Variants in ULK4 observed in about 807,000 individuals in gnomAD.
ULK4 encodes unc-51 like kinase 4.
In ULK4, 133 loss-of-function variants were observed where a neutral mutation model predicts 160.6. That is an observed-to-expected ratio of 0.83 (90% CI 0.72 to 0.96). ULK4 has a LOEUF of 0.96. Ranked by LOEUF, ULK4 falls within the 40% of genes least tolerant of loss-of-function variation. The pLI is 0.00. For synonymous variants in ULK4, 534 were observed against 539.8 expected (o/e 0.99, Z 0.15); for missense variants, 1,580 against 1,499.5 (o/e 1.05, Z -0.89).
chr3:41,583,369 T>C (rs982393060), intron 31 of ULK4, among the ~76,000 whole-genome samples: 2 of 152,240 alleles, frequency 1.3e-5, no homozygotes, highest in African/African-American at 2.4e-5. Context: ...ATAAGTCTCA[T>C]TTATTTTCCA....
At chr3:41,848,488 T>A (rs2042125221) in intron 17 of ULK4, among the ~76,000 whole-genome samples, 1 of 152,164 alleles carries the variant, frequency 6.6e-6, no homozygotes, top group African/African-American at 2.4e-5. Context: ...GAATGGCAAA[T>A]CAGACATTCT....
intron 17 of ULK4, among the ~76,000 whole-genome samples, chr3:41,856,593 A>G (rs1335281225): frequency 1.1e-4 from 8 of 75,270 alleles, no homozygotes; most frequent in African/African-American, 1.8e-4. Context: ...ATATACACAT[A>G]TATATATATG....
chr3:41,768,964 A>G (rs567138567), intron 21 of ULK4, among the ~76,000 whole-genome samples: 133 of 152,324 alleles, frequency 8.7e-4, no homozygotes, highest in Admixed American at 5.4e-3. Flanking sequence ...GTAAATCAAA[A>G]AAATCCTAAG....
At chr3:41,916,134 T>A in intron 7 of ULK4, 82 bp from the exon 8 acceptor site, 1 of 854,596 alleles carries the variant, frequency 1.2e-6, no homozygotes, top group Non-Finnish European at 1.8e-6. Context: ...CATCAACATT[T>A]AAAGCAATAG....
chr3:41,504,721 TCCACATCAATA>T (rs1316999956), intron 32 of ULK4, among the ~76,000 whole-genome samples: 1 of 152,184 alleles, frequency 6.6e-6, no homozygotes, highest in Admixed American at 6.5e-5. Context: ...TCTGAACATA[TCCACATCAATA>T]TATAGTTACA....
intron 29 of ULK4, among the ~76,000 whole-genome samples, chr3:41,680,730 A>G (rs1397478191): frequency 2.6e-5 from 4 of 152,198 alleles, no homozygotes; most frequent in Non-Finnish European, 4.4e-5. Context: ...TCATTCTTAT[A>G]AACCTGCCAA....
At chr3:41,946,722 G>T (rs1700123152) in intron 2 of ULK4, among the ~76,000 whole-genome samples, 1 of 152,160 alleles carries the variant, frequency 6.6e-6, no homozygotes, top group African/African-American at 2.4e-5. Context: ...TTCTCATGGT[G>T]AGATAGTTTC....
chr3:41,291,975 C>T (rs1272336164), intron 35 of ULK4, among the ~76,000 whole-genome samples: 3 of 151,928 alleles, frequency 2.0e-5, no homozygotes, highest in African/African-American at 7.3e-5. Flanking sequence ...GGACTACAGG[C>T]CCCCACCACC....
intron 31 of ULK4, among the ~76,000 whole-genome samples, chr3:41,594,124 T>C (rs749912545): frequency 3.3e-5 from 5 of 152,134 alleles, no homozygotes; most frequent in Non-Finnish European, 5.9e-5. Context: ...AGGCAGTAAA[T>C]TTTATAAGTT....
At chr3:41,588,018 C>T (rs1050820080) in intron 31 of ULK4, among the ~76,000 whole-genome samples, 2 of 152,116 alleles carry the variant, frequency 1.3e-5, no homozygotes, top group African/African-American at 4.8e-5. Flanking sequence ...TATACAAAGA[C>T]ACTAGAAGTT....
At chr3:41,498,698 C>T (rs2085082004) in intron 32 of ULK4, among the ~76,000 whole-genome samples, 1 of 151,916 alleles carries the variant, frequency 6.6e-6, no homozygotes, top group African/African-American at 2.4e-5. Context: ...TGGGTTCACG[C>T]CATTCTCCTG....
intron 32 of ULK4, among the ~76,000 whole-genome samples, chr3:41,498,686 C>T (rs1391542675): frequency 2.0e-5 from 3 of 151,808 alleles, no homozygotes; most frequent in Non-Finnish European, 2.9e-5. Flanking sequence ...AGCTCTGCCT[C>T]CTGGGTTCAC....
chr3:41,358,706 G>A (rs923361563), intron 35 of ULK4, among the ~76,000 whole-genome samples: 8 of 152,102 alleles, frequency 5.3e-5, no homozygotes, highest in South Asian at 2.1e-4. Context: ...GAGGTGAGAC[G>A]TGTAGGTAGT....
intron 34 of ULK4, among the ~76,000 whole-genome samples, chr3:41,443,795 T>G (rs1379489373): frequency 1.3e-5 from 2 of 152,074 alleles, no homozygotes; most frequent in Non-Finnish European, 2.9e-5. Flanking sequence ...TAAAATACAC[T>G]TTTAACTAGC....
chr3:41,784,273 A>G (rs933237708), intron 21 of ULK4, among the ~76,000 whole-genome samples: 1 of 152,052 alleles, frequency 6.6e-6, no homozygotes, highest in Admixed American at 6.5e-5. Flanking sequence ...CATCTCTACT[A>G]AAAACACAAA....
chr3:41,595,258 G>T (rs76272760), intron 31 of ULK4, among the ~76,000 whole-genome samples: 2,271 of 152,156 alleles, frequency 0.015, 50 homozygotes, highest in African/African-American at 0.052. Flanking sequence ...TAACCCCCTT[G>T]GGCCTGAAGT....
At chr3:41,642,581 C>G (rs796926214) in intron 30 of ULK4, among the ~76,000 whole-genome samples, 9 of 152,132 alleles carry the variant, frequency 5.9e-5, no homozygotes, top group African/African-American at 9.7e-5. Flanking sequence ...TCTTAATCCA[C>G]TCTACCATTG....
intron 32 of ULK4, among the ~76,000 whole-genome samples, chr3:41,518,269 C>G (rs892234042): frequency 6.6e-6 from 1 of 152,174 alleles, no homozygotes; most frequent in Non-Finnish European, 1.5e-5. Context: ...AATCTCTCAT[C>G]TATATATCTG....
intron 21 of ULK4, among the ~76,000 whole-genome samples, chr3:41,769,658 T>C (rs986698195): frequency 7.2e-5 from 11 of 152,004 alleles, no homozygotes; most frequent in African/African-American, 2.7e-4. Flanking sequence ...TTAAAGATGG[T>C]ATAATGAAAT....
Sources: gnomAD v4.1 joint callset for allele counts (sites outside exome capture counted in the v4.1 genomes callset) on GRCh38, gnomAD v4.1.1 for gene constraint, MANE v1.5 for transcripts, NCBI Gene and HGNC (gene_info 2026-07-23, HGNC 2026-07-21) for gene names.